The following KALRN variants were observed in gnomAD, a reference collection of about 807,000 sequenced individuals.
The protein encoded by KALRN is kalirin RhoGEF kinase, also known as kalirin.
In KALRN, 70 loss-of-function variants were observed where a neutral mutation model predicts 353.7. The observed-to-expected ratio is 0.20, with a 90% CI of 0.16 to 0.24. The LOEUF is 0.24. Among genes scored for constraint, KALRN ranks in the 10% least tolerant of loss-of-function variants. The pLI is 1.00. For synonymous variants in KALRN, 1,391 were observed against 1,434.8 expected, an observed-to-expected ratio of 0.97 and a Z score of 0.69; for missense variants, 2,791 against 3,756.7, an observed-to-expected ratio of 0.74 and a Z score of 6.72.
At chr3:124,490,905 A>G (rs1345648138) in intron 30 of KALRN, 21 bp downstream of exon 30, 1 of 1,593,354 alleles carries the variant, frequency 6.3e-7, no homozygotes, top group Non-Finnish European at 8.5e-7. Context: ...CAGGTGGGGT[A>G]AGACAAGACT....
chr3:124,283,895 G>C (rs967042534), intron 5 of KALRN, among the ~76,000 whole-genome samples: 1 of 152,156 alleles, frequency 6.6e-6, no homozygotes, highest in Admixed American at 6.5e-5. Context: ...TGTTGTGACT[G>C]CCAGTTTATC....
intron 36 of KALRN, chr3:124,637,001 T>A: frequency 1.8e-6 from 1 of 569,976 alleles, no homozygotes; most frequent in South Asian, 2.0e-5. Context: ...ACCATCCATT[T>A]GCTGCTGGCT....
At chr3:124,503,418 T>C (rs2108684914) in intron 33 of KALRN, among the ~76,000 whole-genome samples, 1 of 151,570 alleles carries the variant, frequency 6.6e-6, no homozygotes, top group East Asian at 2.0e-4. Context: ...GTAGGAAAAA[T>C]ACCATCTCCA....
intron 1 of KALRN, among the ~76,000 whole-genome samples, chr3:124,157,885 A>G (rs2069250591): frequency 1.3e-5 from 2 of 152,138 alleles, no homozygotes; most frequent in African/African-American, 4.8e-5. Flanking sequence ...CCCTGGTCCC[A>G]GCTCCTTCCT....
chr3:124,280,231 C>T (rs2075203296), intron 5 of KALRN, among the ~76,000 whole-genome samples: 1 of 152,304 alleles, frequency 6.6e-6, no homozygotes, highest in Non-Finnish European at 1.5e-5. Context: ...TGAGCATTTC[C>T]AGGGCTGAGG....
chr3:124,438,201 C>T (rs2093545543), intron 17 of KALRN, among the ~76,000 whole-genome samples: 1 of 152,164 alleles, frequency 6.6e-6, no homozygotes, highest in Admixed American at 6.5e-5. Context: ...CTTCAAAATG[C>T]TTTTGCTCTC....
At chr3:124,377,539 G>C (rs1451443046) in intron 10 of KALRN, among the ~76,000 whole-genome samples, 1 of 151,794 alleles carries the variant, frequency 6.6e-6, no homozygotes, top group Non-Finnish European at 1.5e-5. Flanking sequence ...GGTGGGGGTG[G>C]AGTGTCCTAC....
At chr3:124,066,686 T>G (rs1324982833) in intron 1 of KALRN, among the ~76,000 whole-genome samples, 1 of 152,152 alleles carries the variant, frequency 6.6e-6, no homozygotes, top group Non-Finnish European at 1.5e-5. Context: ...TGCCACAGCT[T>G]TTCAGAGGCT....
At chr3:124,350,094 T>C (rs935179323) in intron 10 of KALRN, among the ~76,000 whole-genome samples, 3 of 152,212 alleles carry the variant, frequency 2.0e-5, no homozygotes, top group Non-Finnish European at 4.4e-5. Flanking sequence ...CTCTGCCTGA[T>C]ATAGCCTCAG....
intron 1 of KALRN, among the ~76,000 whole-genome samples, chr3:124,221,213 C>G (rs1293566131): frequency 6.6e-6 from 1 of 152,236 alleles, no homozygotes; most frequent in Non-Finnish European, 1.5e-5. Flanking sequence ...GCCCCTCCCT[C>G]TCTGCCTTGG....
At chr3:124,588,971 A>G (rs1340036535) in intron 34 of KALRN, among the ~76,000 whole-genome samples, 1 of 152,204 alleles carries the variant, frequency 6.6e-6, no homozygotes, top group Non-Finnish European at 1.5e-5. Context: ...GGACTTACCC[A>G]AACTGAATCA....
intron 1 of KALRN, among the ~76,000 whole-genome samples, chr3:124,105,553 G>A (rs1426452591): frequency 2.0e-5 from 3 of 152,156 alleles, no homozygotes. Context: ...TAGGAGGAGA[G>A]CCAGGACATA....
intron 10 of KALRN, among the ~76,000 whole-genome samples, chr3:124,370,936 T>C (rs2085751693): frequency 6.6e-6 from 1 of 152,226 alleles, no homozygotes; most frequent in South Asian, 2.1e-4. Context: ...GGGCTTCATC[T>C]TCAAAATTAT....
chr3:124,293,137 A>T (rs2076564412), intron 5 of KALRN, among the ~76,000 whole-genome samples: 1 of 152,228 alleles, frequency 6.6e-6, no homozygotes, highest in South Asian at 2.1e-4. Flanking sequence ...TGGATGCACC[A>T]CTGTAGTGTA....
At chr3:124,294,858 G>A (rs538654189) in intron 5 of KALRN, among the ~76,000 whole-genome samples, 6 of 152,218 alleles carry the variant, frequency 3.9e-5, no homozygotes, top group Non-Finnish European at 5.9e-5. Flanking sequence ...CAAATTGTGC[G>A]TATTATAAAC....
intron 1 of KALRN, among the ~76,000 whole-genome samples, chr3:124,170,379 A>C (rs574603993): frequency 1.3e-5 from 2 of 152,288 alleles, no homozygotes; most frequent in Admixed American, 6.5e-5. Flanking sequence ...TATGCATGCA[A>C]AATCCCAGTT....
intron 34 of KALRN, among the ~76,000 whole-genome samples, chr3:124,587,592 A>G (rs1396732437): frequency 6.6e-6 from 1 of 151,964 alleles, no homozygotes; most frequent in Non-Finnish European, 1.5e-5. Flanking sequence ...GTCTTTAAAT[A>G]TCACATTTGA....
At chr3:124,368,112 C>T (rs1478217100) in intron 10 of KALRN, among the ~76,000 whole-genome samples, 1 of 71,348 alleles carries the variant, frequency 1.4e-5, no homozygotes, top group Admixed American at 1.3e-4. Context: ...ACCTCCCTCC[C>T]GGACGGGGCA....
intron 1 of KALRN, among the ~76,000 whole-genome samples, chr3:124,086,876 T>G (rs1410960720): frequency 1.3e-5 from 2 of 152,214 alleles, no homozygotes; most frequent in Admixed American, 6.5e-5. Flanking sequence ...ACCTAAGTTA[T>G]CCCTTTCTGA....
Sources: gnomAD v4.1 joint callset for allele counts (sites outside exome capture counted in the v4.1 genomes callset) on GRCh38, gnomAD v4.1.1 for gene constraint, MANE v1.5 for transcripts, NCBI Gene and HGNC (gene_info 2026-07-23, HGNC 2026-07-21) for gene names.